CELF2: variants seen among roughly 807,000 people sequenced by gnomAD.
CELF2 encodes CUG triplet repeat RNA-binding protein 2.
In CELF2, 8 loss-of-function variants were observed where a neutral mutation model predicts 62.6. The observed-to-expected ratio is 0.13, with a 90% CI of 0.07 to 0.23. The LOEUF is 0.23. Among genes scored for constraint, CELF2 ranks in the 10% least tolerant of loss-of-function variants. CELF2 has a pLI of 1.00. For synonymous variants in CELF2, 258 were observed against 250.0 expected, an observed-to-expected ratio of 1.03 and a Z score of -0.30; for missense variants, 333 against 671.0, an observed-to-expected ratio of 0.50 and a Z score of 5.56.
At chr10:10,718,767 G>A in the CELF2 span, among the ~76,000 whole-genome samples, 1 of 152,080 alleles carries the variant, frequency 6.6e-6, no homozygotes, top group African/African-American at 2.4e-5. Flanking sequence ...CAGGGAAAGA[G>A]TAGAACCAGC....
chr10:10,729,539 AAAGAT>A, the CELF2 span, among the ~76,000 whole-genome samples: 6 of 152,194 alleles, frequency 3.9e-5, no homozygotes, highest in African/African-American at 1.4e-4. Context: ...TATATGAGAC[AAAGAT>A]AAGATAAGAC....
At chr10:10,711,164 A>C in the CELF2 span, among the ~76,000 whole-genome samples, 11 of 152,084 alleles carry the variant, frequency 7.2e-5, no homozygotes, top group Non-Finnish European at 1.2e-4. Flanking sequence ...GACATTGCCA[A>C]ATCACCCCCT....
chr10:10,506,670 ATTTTTTTTT>A, the CELF2 span, among the ~76,000 whole-genome samples: 14 of 64,572 alleles, frequency 2.2e-4, no homozygotes, highest in Admixed American at 1.4e-3. Flanking sequence ...CCTCCTGTGA[ATTTTTTTTT>A]TTTTTTTTTT....
the CELF2 span, among the ~76,000 whole-genome samples, chr10:10,686,879 T>TG: frequency 3.9e-5 from 6 of 152,220 alleles, no homozygotes; most frequent in Non-Finnish European, 1.5e-5. Context: ...CTGGGATGAC[T>TG]GGTCCCATGC....
chr10:10,586,428 A>T, the CELF2 span, among the ~76,000 whole-genome samples: 2 of 152,300 alleles, frequency 1.3e-5, no homozygotes, highest in East Asian at 3.9e-4. Flanking sequence ...GCTCTTCTGT[A>T]TGCATTGATT....
At chr10:11,271,407 T>C (rs751951131) in intron 7 of CELF2, among the ~76,000 whole-genome samples, 4 of 152,202 alleles carry the variant, frequency 2.6e-5, no homozygotes, top group African/African-American at 7.2e-5. Flanking sequence ...TGTGTCTTTA[T>C]TGAAACACAG....
intron 2 of CELF2, among the ~76,000 whole-genome samples, chr10:10,977,398 A>G (rs184721858): frequency 3.9e-5 from 6 of 152,344 alleles, no homozygotes; most frequent in Non-Finnish European, 8.8e-5. Flanking sequence ...TATTGTACAC[A>G]GCAGACACAT....
the CELF2 span, among the ~76,000 whole-genome samples, chr10:10,761,910 G>GTGTC: frequency 3.1e-5 from 2 of 64,332 alleles, no homozygotes; most frequent in Admixed American, 2.6e-4. Flanking sequence ...TAAACCGTGT[G>GTGTC]TGTGTGTGTG....
the CELF2 span, among the ~76,000 whole-genome samples, chr10:10,706,445 A>C: frequency 6.6e-6 from 1 of 152,178 alleles, no homozygotes; most frequent in Non-Finnish European, 1.5e-5. Flanking sequence ...TCCAGCCCAG[A>C]ACCGTCAGCA....
chr10:11,292,245 T>C (rs1590846853), intron 9 of CELF2, among the ~76,000 whole-genome samples: 1 of 152,242 alleles, frequency 6.6e-6, no homozygotes, highest in African/African-American at 2.4e-5. Context: ...CACTTCCTCT[T>C]TGACTATCTG....
intron 2 of CELF2, chr10:10,927,022 C>T (rs1374405466): frequency 6.6e-6 from 1 of 152,188 alleles, no homozygotes; most frequent in Non-Finnish European, 1.5e-5. Context: ...TTCTGTTACT[C>T]CTTGCCAGCT....
At chr10:10,773,977 CA>C in the CELF2 span, among the ~76,000 whole-genome samples, 2 of 152,218 alleles carry the variant, frequency 1.3e-5, no homozygotes, top group African/African-American at 4.8e-5. Flanking sequence ...CCCATATTCA[CA>C]GCAAAACAAT....
rs145316804 is a variant in CELF2 at position 11,027,001 on chromosome 10, A to T, written c.74+8838A>T. Among the ~76,000 whole-genome samples, 362 of 152,302 alleles carry T rather than the reference A, an allele frequency of 2.4e-3. 4 individuals are homozygous for T. The highest frequency in any genetic ancestry group is 8.1e-3 in the South Asian group (39 of 4,826). On this transcript the variant is annotated intron_variant, in intron 1 of 12. Coordinates refer to ENST00000633077, the MANE Select transcript of CELF2 (RefSeq NM_001326342.2). ...TTGTCTGGGCCAGCTATATTTGGCT[A>T]TGCTGCAGCTGTGTTTGCCTTCTCA...
chr10:10,958,746 A>C (rs1211279444), intron 2 of CELF2, among the ~76,000 whole-genome samples: 1 of 152,160 alleles, frequency 6.6e-6, no homozygotes, highest in Admixed American at 6.6e-5. Flanking sequence ...CAGGAGGCTT[A>C]GGTAGGAGAA....
At chr10:11,025,302 C>T (rs902900896) in intron 1 of CELF2, among the ~76,000 whole-genome samples, 10 of 151,102 alleles carry the variant, frequency 6.6e-5, no homozygotes, top group Admixed American at 2.0e-4. Context: ...GGCTTTGTGT[C>T]CCCACCCAGA....
At chr10:11,283,402 G>T (rs2134362) in intron 8 of CELF2, among the ~76,000 whole-genome samples, 16,074 of 152,276 alleles carry the variant, frequency 0.11, 937 homozygotes, top group Middle Eastern at 0.18. Context: ...GTGTTGCACA[G>T]GGTCTAGCCC....
chr10:10,737,431 T>G, the CELF2 span, among the ~76,000 whole-genome samples: 1 of 152,114 alleles, frequency 6.6e-6, no homozygotes, highest in Admixed American at 6.6e-5. Context: ...ATGTTCTCCT[T>G]ATCTTGGGTA....
At chr10:11,106,001 C>G (rs1377903182) in intron 1 of CELF2, among the ~76,000 whole-genome samples, 6 of 152,162 alleles carry the variant, frequency 3.9e-5, no homozygotes, top group Admixed American at 2.0e-4. Context: ...TCACTTGGCT[C>G]TTTTGATAGA....
At chr10:10,869,519 C>T (rs998816527) in intron 1 of CELF2, among the ~76,000 whole-genome samples, 1 of 151,998 alleles carries the variant, frequency 6.6e-6, no homozygotes, top group Non-Finnish European at 1.5e-5. Flanking sequence ...CCAAGATCAC[C>T]ACCCCACTGC....
Sources: allele counts gnomAD v4.1 joint callset (sites outside exome capture counted in the v4.1 genomes callset), GRCh38; gene constraint gnomAD v4.1.1; transcripts MANE v1.5; gene names NCBI Gene and HGNC (gene_info 2026-07-23, HGNC 2026-07-21).